PCSK5: variants seen among roughly 807,000 people sequenced by gnomAD.
PCSK5 encodes proprotein convertase subtilisin/kexin type 5.
Under a neutral mutation model 233.2 loss-of-function variants are expected in PCSK5, and 129 were observed. The observed-to-expected ratio is 0.55, with a 90% CI of 0.48 to 0.64. The LOEUF (loss-of-function observed/expected upper bound fraction) is 0.64. Ranked by LOEUF, PCSK5 falls within the 30% of genes least tolerant of loss-of-function variation. The pLI, the probability that PCSK5 is intolerant of heterozygous loss-of-function variation, is 0.00. For missense variants in PCSK5, 2,076 were observed against 2,430.1 expected, an observed-to-expected ratio of 0.85 and a Z score of 3.06; for synonymous variants, 825 against 879.2, an observed-to-expected ratio of 0.94 and a Z score of 1.09.
At chr9:76,022,136 A>G (rs1236146436) in intron 3 of PCSK5, among the ~76,000 whole-genome samples, 1 of 152,146 alleles carries the variant, frequency 6.6e-6, no homozygotes, top group Non-Finnish European at 1.5e-5. Context: ...AGCATTCACC[A>G]TCATATCACA....
chr9:75,891,719 G>T (rs1287126863), intron 1 of PCSK5, among the ~76,000 whole-genome samples: 1 of 151,874 alleles, frequency 6.6e-6, no homozygotes, highest in Non-Finnish European at 1.5e-5. Context: ...GTAATCTGAG[G>T]CAGTCTCAGA....
intron 13 of PCSK5, among the ~76,000 whole-genome samples, chr9:76,174,201 G>A (rs1053601270): frequency 6.6e-6 from 1 of 152,102 alleles, no homozygotes; most frequent in Admixed American, 6.5e-5. Context: ...CTATAGGACA[G>A]TATAATTAGT....
intron 24 of PCSK5, among the ~76,000 whole-genome samples, chr9:76,256,201 G>A (rs1826975904): frequency 6.6e-6 from 1 of 152,206 alleles, no homozygotes; most frequent in Admixed American, 6.5e-5. Flanking sequence ...ATAGTGGCGA[G>A]GTATCTTAAG....
chr9:76,336,934 G>A (rs1422372491), intron 34 of PCSK5, among the ~76,000 whole-genome samples: 1 of 152,004 alleles, frequency 6.6e-6, no homozygotes, highest in Non-Finnish European at 1.5e-5. Context: ...TGTCTCATTT[G>A]TAGGTTCAAT....
chr9:76,013,362 T>C (rs1301309344), intron 3 of PCSK5, among the ~76,000 whole-genome samples: 1 of 152,248 alleles, frequency 6.6e-6, no homozygotes, highest in Non-Finnish European at 1.5e-5. Flanking sequence ...TCCCTCTGTG[T>C]CCTCTTCTTT....
Position 75,891,135 on chromosome 9 carries a change from T to C in PCSK5, c.-47T>C, listed in dbSNP as rs764238571. On this transcript the variant is annotated 5_prime_UTR_variant, in exon 1 of 38. Coordinates refer to ENST00000674117, the MANE Select transcript of PCSK5 (RefSeq NM_001372043.1). ...AGAAGTTAGTTGTGCGCGCCCTTAGTGCGCGGAACCAGCCAGCGAGCGAGG... is the reference window on the plus strand; with the variant it reads ...AGAAGTTAGTTGTGCGCGCCCTTAGCGCGCGGAACCAGCCAGCGAGCGAGG... The C allele has an allele frequency of 4.9e-6, 7 of 1,418,150 alleles. No individual in the cohort carries two copies. Among genetic ancestry groups the C allele is most frequent in the African/African-American group, 1.5e-5 (1 of 66,546 alleles). The allele number at this position is 1,418,150 out of a possible 1,614,324, so 87.8% of individuals were successfully genotyped here.
At chr9:76,157,730 A>G (rs1340554221) in intron 11 of PCSK5, among the ~76,000 whole-genome samples, 2 of 149,352 alleles carry the variant, frequency 1.3e-5, no homozygotes, top group Non-Finnish European at 2.9e-5. Context: ...GTTGATGATG[A>G]AACTAGAGAC....
chr9:75,932,861 T>A lies in PCSK5; in HGVS notation c.297+378T>A, dbSNP rs188096330. Among the ~76,000 whole-genome samples the A allele has an allele frequency of 2.8e-4, 43 of 151,982 alleles. No individual in the cohort carries two copies. The East Asian group carries it at 3.7e-3, about 13-fold the overall frequency. ...TGTATGAGCTCCACAAAAGGAGGGG[T>A]TTCTTCCAGAACCCTTAGGTCAGGG... On this transcript the variant is annotated intron_variant, in intron 2 of 37. Transcript: ENST00000674117.
chr9:76,188,231 T>C (rs868049754), intron 17 of PCSK5, among the ~76,000 whole-genome samples: 19 of 152,226 alleles, frequency 1.2e-4, no homozygotes, highest in Admixed American at 7.2e-4. Flanking sequence ...GGCTTATTGC[T>C]AGACAATGTG....
intron 20 of PCSK5, chr9:76,195,610 TGA>T (rs1824659870): frequency 6.6e-6 from 1 of 152,112 alleles, no homozygotes; most frequent in Non-Finnish European, 1.5e-5. Flanking sequence ...ATATTCATAA[TGA>T]GATATATGTA....
chr9:76,048,988 A>C (rs2131552235), intron 5 of PCSK5, among the ~76,000 whole-genome samples: 1 of 152,284 alleles, frequency 6.6e-6, no homozygotes, highest in African/African-American at 2.4e-5. Context: ...GATCATATTT[A>C]TCATATTTAT....
At chr9:76,069,345 C>G (rs1302146885) in intron 6 of PCSK5, among the ~76,000 whole-genome samples, 1 of 151,748 alleles carries the variant, frequency 6.6e-6, no homozygotes, top group Non-Finnish European at 1.5e-5. Context: ...GCCCCAGGTT[C>G]TTATCAATAC....
chr9:76,179,673 T>C lies in PCSK5; in HGVS notation c.1978T>C (p.Tyr660His). The change falls in exon 15 of 38, where the codon TAC becomes CAC. Residue 660 changes from tyrosine (Y) to histidine (H), a missense_variant. Tyr to His is a moderately conservative substitution (Grantham distance 83). This residue lies in a region of PCSK5 where 84 missense variants were observed against 108.8 expected (regional missense o/e 0.77). Transcript: ENST00000674117. ...CCACTGCAATGACTGTTTGCACTAC[T>C]ACTACAAGCTGAAAAACAATACCAG... ...PDHCNDCLHY[Y>H]YKLKNNTRIC... 6.2e-7 allele frequency: 1 copy of C among 1,612,900 alleles called. No homozygotes were observed. The highest frequency in any genetic ancestry group is 1.1e-5 in the South Asian group (1 of 91,066).
At chr9:75,905,632 G>A (rs1485818565) in intron 1 of PCSK5, among the ~76,000 whole-genome samples, 2 of 152,172 alleles carry the variant, frequency 1.3e-5, no homozygotes, top group Non-Finnish European at 2.9e-5. Flanking sequence ...GACTGATACG[G>A]TCCGTGGCCT....
intron 10 of PCSK5, among the ~76,000 whole-genome samples, chr9:76,140,802 A>C (rs995483625): frequency 6.6e-6 from 1 of 152,158 alleles, no homozygotes; most frequent in Admixed American, 6.6e-5. Flanking sequence ...AATGATAGAA[A>C]TCTGAACTGA....
chr9:76,237,135 C>T (rs551817592), intron 22 of PCSK5, among the ~76,000 whole-genome samples: 30 of 152,202 alleles, frequency 2.0e-4, no homozygotes, highest in African/African-American at 6.5e-4. Context: ...GCATTTGCAA[C>T]GGTTTCATAA....
intron 7 of PCSK5, among the ~76,000 whole-genome samples, chr9:76,084,252 A>G (rs1298382647): frequency 6.6e-6 from 1 of 152,240 alleles, no homozygotes; most frequent in East Asian, 1.9e-4. Flanking sequence ...ATTTAATTGC[A>G]CAAAGTTATC....
chr9:76,182,393 A>C (rs1823911900), intron 16 of PCSK5, among the ~76,000 whole-genome samples: 1 of 152,244 alleles, frequency 6.6e-6, no homozygotes, highest in South Asian at 2.1e-4. Flanking sequence ...GCAAGGTGAC[A>C]AATAGGGCTA....
At chr9:76,098,162 A>G (rs1831612483) in intron 8 of PCSK5, among the ~76,000 whole-genome samples, 1 of 152,084 alleles carries the variant, frequency 6.6e-6, no homozygotes. Context: ...CTTTAGTTAC[A>G]TTTTGTAGAT....
Sources: allele counts gnomAD v4.1 joint callset (sites outside exome capture counted in the v4.1 genomes callset), GRCh38; gene constraint gnomAD v4.1.1; regional missense constraint gnomAD v4.1.1; transcripts MANE v1.5; gene names NCBI Gene and HGNC (gene_info 2026-07-23, HGNC 2026-07-21).